Variants in CFAP20DC observed in about 807,000 individuals in gnomAD.
CFAP20DC encodes CFAP20 domain containing.
A neutral mutation model predicts 101.7 loss-of-function variants in CFAP20DC; 84 were observed. The observed-to-expected ratio is 0.83, with a 90% CI of 0.69 to 0.99. The LOEUF (loss-of-function observed/expected upper bound fraction) is 0.99. Among genes scored for constraint, CFAP20DC ranks in the 50% least tolerant of loss-of-function variants. The probability of loss-of-function intolerance (pLI) is 0.00; values close to 1 mark genes in which losing one functional copy is unlikely to be tolerated. For synonymous variants in CFAP20DC, 359 were observed against 351.2 expected (o/e 1.02, Z -0.25); for missense variants, 1,007 against 970.3 (o/e 1.04, Z -0.50).
intron 4 of CFAP20DC, among the ~76,000 whole-genome samples, chr3:58,962,920 C>A (rs1370162587): frequency 1.3e-5 from 2 of 151,994 alleles, no homozygotes; most frequent in Non-Finnish European, 2.9e-5. Context: ...ACATGCCAGT[C>A]TACTGCTTGC....
intron 15 of CFAP20DC, among the ~76,000 whole-genome samples, chr3:58,762,168 GTCTAAGTCTCTTTGTAGGTC>G (rs1340934560): frequency 1.3e-5 from 2 of 152,172 alleles, no homozygotes; most frequent in African/African-American, 2.4e-5. Flanking sequence ...TTGTGTGGGA[GTCTAAGTCTCTTTGTAGGTC>G]TCTAAGGACT....
chr3:58,726,446 C>T (rs1455128631), intron 3 of CFAP20DC: 1 of 153,318 alleles, frequency 6.5e-6, no homozygotes, highest in Non-Finnish European at 1.5e-5. Context: ...GTCTTTAAGC[C>T]AGAAGGAATA....
intron 4 of CFAP20DC, among the ~76,000 whole-genome samples, chr3:58,970,176 G>T (rs748373306): frequency 7.2e-5 from 11 of 152,082 alleles, no homozygotes; most frequent in Non-Finnish European, 1.3e-4. Flanking sequence ...GTGATGTCCT[G>T]AAATGTTAGT....
intron 4 of CFAP20DC, among the ~76,000 whole-genome samples, chr3:58,951,698 A>G (rs996228864): frequency 6.6e-6 from 1 of 151,486 alleles, no homozygotes; most frequent in Non-Finnish European, 1.5e-5. Flanking sequence ...ATAGGTGGGA[A>G]TTGAACAATG....
chr3:59,004,427 T>A (rs2093384739), intron 4 of CFAP20DC, among the ~76,000 whole-genome samples: 1 of 152,168 alleles, frequency 6.6e-6, no homozygotes, highest in South Asian at 2.1e-4. Context: ...ATTATTATGG[T>A]AAGATTTGTA....
intron 14 of CFAP20DC, among the ~76,000 whole-genome samples, chr3:58,823,027 A>G (rs985735842): frequency 1.3e-5 from 2 of 152,102 alleles, no homozygotes; most frequent in Non-Finnish European, 2.9e-5. Context: ...ATTAGCTCAT[A>G]TCTCCTTTGC....
At chr3:58,723,475 CA>C (rs1322009442) in intron 3 of CFAP20DC, among the ~76,000 whole-genome samples, 1 of 152,198 alleles carries the variant, frequency 6.6e-6, no homozygotes, top group Non-Finnish European at 1.5e-5. Flanking sequence ...TCTCTCTTTA[CA>C]AGAACATTTT....
chr3:58,800,653 T>C (rs1339336286), intron 15 of CFAP20DC, among the ~76,000 whole-genome samples: 4 of 152,176 alleles, frequency 2.6e-5, no homozygotes, highest in Non-Finnish European at 5.9e-5. Context: ...TTATTAATTA[T>C]TATGTCTTAA....
chr3:59,041,794 T>C (rs778149319), intron 3 of CFAP20DC, among the ~76,000 whole-genome samples: 12 of 152,122 alleles, frequency 7.9e-5, no homozygotes, highest in Non-Finnish European at 1.5e-4. Flanking sequence ...TTGAGCAAAT[T>C]AGAAAACCTG....
chr3:58,787,273 G>C (rs1226475103), intron 15 of CFAP20DC, among the ~76,000 whole-genome samples: 1 of 144,728 alleles, frequency 6.9e-6, no homozygotes, highest in African/African-American at 2.6e-5. Flanking sequence ...CTCACTCATA[G>C]GTGGGAATTG....
At chr3:58,815,667 AAAAC>A (rs1433837330) in intron 14 of CFAP20DC, among the ~76,000 whole-genome samples, 23 of 151,582 alleles carry the variant, frequency 1.5e-4, no homozygotes, top group Admixed American at 1.4e-3. Context: ...TACAAGAAAA[AAAAC>A]AAACAACCCC....
At position 58,864,314 on chromosome 3, in the gene CFAP20DC, T is replaced by C. The variant is rs2079498159; in HGVS notation, c.1259-422A>G. On this transcript the variant is annotated intron_variant, in intron 11 of 16. Coordinates refer to ENST00000482387, the MANE Select transcript of CFAP20DC (RefSeq NM_001394063.1). The surrounding 1 kb of genome is among the most constrained non-coding windows in gnomAD (Gnocchi z 4.7). ...AAATTTCTTGTTGTTGAAACAGATT[T>C]ATCAAATAACGCAAAGCAAAGGAAG... 6.6e-6 allele frequency among the ~76,000 whole-genome samples: 1 copy of C among 152,210 alleles called. No homozygotes were observed. Among genetic ancestry groups the C allele is most frequent in the Non-Finnish European group, 1.5e-5 (1 of 68,046 alleles).
intron 5 of CFAP20DC, among the ~76,000 whole-genome samples, chr3:58,934,931 G>C (rs976091974): frequency 6.6e-6 from 1 of 152,164 alleles, no homozygotes; most frequent in Non-Finnish European, 1.5e-5. Context: ...AGGGCAATTA[G>C]GCAGGAGAAG....
chr3:58,917,237 G>A (rs1440980703), intron 5 of CFAP20DC, among the ~76,000 whole-genome samples: 3 of 152,108 alleles, frequency 2.0e-5, no homozygotes, highest in South Asian at 4.1e-4. Flanking sequence ...ACTAACTCAT[G>A]TTTGGAATAT....
chr3:58,941,802 C>T (rs111996961), intron 4 of CFAP20DC, among the ~76,000 whole-genome samples: 5,966 of 152,134 alleles, frequency 0.039, 181 homozygotes, highest in Non-Finnish European at 0.053. Context: ...GTGATCCGCC[C>T]GCCTCGGCCT....
At chr3:58,993,482 T>C (rs543112321) in intron 4 of CFAP20DC, among the ~76,000 whole-genome samples, 3 of 152,236 alleles carry the variant, frequency 2.0e-5, no homozygotes, top group African/African-American at 7.2e-5. Flanking sequence ...GTTTGTTACA[T>C]AGGTAAACGT....
chr3:58,779,155 CA>C (rs1346069660), intron 15 of CFAP20DC, among the ~76,000 whole-genome samples: 1 of 151,894 alleles, frequency 6.6e-6, no homozygotes, highest in Non-Finnish European at 1.5e-5. Context: ...AAACAGAATT[CA>C]AAATATTGAT....
intron 13 of CFAP20DC, among the ~76,000 whole-genome samples, chr3:58,838,334 C>T (rs909464588): frequency 6.6e-6 from 1 of 152,094 alleles, no homozygotes; most frequent in Admixed American, 6.6e-5. Context: ...GGCACATGGA[C>T]CTAGGCATAA....
intron 4 of CFAP20DC, among the ~76,000 whole-genome samples, chr3:58,977,617 C>T (rs1445904534): frequency 6.6e-6 from 1 of 151,660 alleles, no homozygotes; most frequent in African/African-American, 2.4e-5. Context: ...TTAATACTTA[C>T]TGAGGGTTTA....
Sources: gnomAD v4.1 joint callset for allele counts (sites outside exome capture counted in the v4.1 genomes callset) on GRCh38, gnomAD v4.1.1 for gene constraint, Gnocchi (gnomAD v3.1) non-coding constraint, MANE v1.5 for transcripts, NCBI Gene and HGNC (gene_info 2026-07-23, HGNC 2026-07-21) for gene names.